Variants in KCNIP3 observed in about 807,000 individuals in gnomAD.
KCNIP3 encodes the protein potassium voltage-gated channel interacting protein 3, also known as calsenilin.
KCNIP3 carries 28 observed loss-of-function variants against 35.0 expected under a neutral mutation model. The observed-to-expected ratio is 0.80, with a 90% CI of 0.59 to 1.10. The LOEUF (loss-of-function observed/expected upper bound fraction) is 1.10. Ranked by LOEUF, KCNIP3 falls within the 50% of genes least tolerant of loss-of-function variation. KCNIP3 has a pLI of 0.00. For missense variants in KCNIP3, 295 were observed against 338.4 expected (o/e 0.87, Z 1.01); for synonymous variants, 134 against 133.8 (o/e 1.00, Z -0.01).
intron 2 of KCNIP3, among the ~76,000 whole-genome samples, chr2:95,358,805 G>A (rs533028603): frequency 1.3e-5 from 2 of 152,218 alleles, no homozygotes; most frequent in Admixed American, 6.5e-5. Flanking sequence ...TCATTCATGA[G>A]GGCAGAGCCC....
intron 2 of KCNIP3, among the ~76,000 whole-genome samples, chr2:95,365,746 C>G (rs1273986923): frequency 2.0e-5 from 3 of 152,280 alleles, no homozygotes; most frequent in East Asian, 1.9e-4. Flanking sequence ...CTCTGTAGTT[C>G]ATGGGATATC....
chr2:95,339,489 C>T (rs564827583), intron 2 of KCNIP3, among the ~76,000 whole-genome samples: 3 of 151,718 alleles, frequency 2.0e-5, no homozygotes, highest in East Asian at 1.9e-4. Flanking sequence ...GAGGCTGAGG[C>T]GGGAGAATCA....
chr2:95,326,074 C>T (rs1302963811), intron 2 of KCNIP3, among the ~76,000 whole-genome samples: 1 of 139,064 alleles, frequency 7.2e-6, no homozygotes, highest in African/African-American at 2.8e-5. Flanking sequence ...TTCACTCATA[C>T]TAACACACTC....
intron 5 of KCNIP3, 91 bp downstream of exon 5, chr2:95,375,299 G>A (rs1263647550): frequency 1.4e-5 from 17 of 1,198,178 alleles, no homozygotes; most frequent in Non-Finnish European, 2.1e-5. Context: ...GCTGTCGAGA[G>A]AGCCATGGTC....
chr2:95,305,762 G>C (rs1005862822), intron 1 of KCNIP3, among the ~76,000 whole-genome samples: 18 of 152,122 alleles, frequency 1.2e-4, no homozygotes, highest in Non-Finnish European at 2.5e-4. Flanking sequence ...GTGACCTTTT[G>C]GGTTGGCTTT....
At chr2:95,300,958 C>A (rs1257503069) in intron 1 of KCNIP3, among the ~76,000 whole-genome samples, 1 of 152,178 alleles carries the variant, frequency 6.6e-6, no homozygotes, top group African/African-American at 2.4e-5. Flanking sequence ...GCCTGCCCAA[C>A]GCCCCCAGCC....
At position 95,297,350 on chromosome 2, in the gene KCNIP3, C is replaced by T. The variant is rs547744585; in HGVS notation, c.-89C>T. Reference sequence around the variant, plus strand: ...ACAATTACGTCTGGGTCCAAGCAAACATGAGGCAGCTGCCAGCCGGCCTGG... The same window carrying T: ...ACAATTACGTCTGGGTCCAAGCAAATATGAGGCAGCTGCCAGCCGGCCTGG... On this transcript the variant is annotated 5_prime_UTR_variant, in exon 1 of 9. Transcript: ENST00000295225. 6 of 1,357,062 alleles carry T rather than the reference C, an allele frequency of 4.4e-6. No homozygotes were observed. Among genetic ancestry groups the T allele is most frequent in the South Asian group, 1.3e-5 (1 of 79,740 alleles). The allele number at this position is 1,357,062 out of a possible 1,614,324, so 84.1% of individuals were successfully genotyped here.
Position 95,304,692 on chromosome 2 carries a change from G to T in KCNIP3, c.16-5663G>T, listed in dbSNP as rs542196695. On this transcript the variant is annotated intron_variant, in intron 1 of 8. Coordinates refer to ENST00000295225, the MANE Select transcript of KCNIP3 (RefSeq NM_013434.5). ...GTTGGGTGCTTTGGGTAATTTTGAGGTTCTAAGGAACCTCAAAAAGTTGGT... is the reference window on the plus strand; with the variant it reads ...GTTGGGTGCTTTGGGTAATTTTGAGTTTCTAAGGAACCTCAAAAAGTTGGT... 3.7e-4 allele frequency among the ~76,000 whole-genome samples: 56 copies of T among 152,256 alleles called. No homozygotes were observed. In the South Asian group the frequency reaches 0.011, roughly 31 times the overall value.
At chr2:95,342,594 G>T (rs142241507) in intron 2 of KCNIP3, among the ~76,000 whole-genome samples, 69 of 152,334 alleles carry the variant, frequency 4.5e-4, no homozygotes, top group African/African-American at 1.5e-3. Flanking sequence ...GGCACGCAGC[G>T]TTGCCAGCTG....
At chr2:95,343,560 C>A (rs973609959) in intron 2 of KCNIP3, among the ~76,000 whole-genome samples, 1 of 152,128 alleles carries the variant, frequency 6.6e-6, no homozygotes, top group Non-Finnish European at 1.5e-5. Context: ...GTCAGGAGAC[C>A]TCATGAAATC....
intron 2 of KCNIP3, among the ~76,000 whole-genome samples, chr2:95,359,359 C>T (rs1391762958): frequency 1.3e-5 from 2 of 151,936 alleles, no homozygotes; most frequent in South Asian, 2.1e-4. Flanking sequence ...GAGAAACCGG[C>T]AAGAAAAAAG....
intron 2 of KCNIP3, among the ~76,000 whole-genome samples, chr2:95,345,272 C>A (rs1679318392): frequency 6.6e-6 from 1 of 152,234 alleles, no homozygotes; most frequent in Admixed American, 6.5e-5. Context: ...TCCCTGTGCC[C>A]CTCACGTAAT....
In KCNIP3 at chr2:95,315,067, G is replaced by A. The variant is rs551965873; in HGVS notation, c.181+4547G>A. On this transcript the variant is annotated intron_variant, in intron 2 of 8. Transcript: ENST00000295225. ...GTGAGCCCTGGTCTTTGGTCACACC[G>A]CTCTATTCCGTGGTGAAATGAGTCT... Among the ~76,000 whole-genome samples, 15 of 152,290 alleles carry A rather than the reference G, an allele frequency of 9.8e-5. No homozygotes were observed. The East Asian group carries it at 2.7e-3, about 27-fold the overall frequency.
At chr2:95,321,634 C>G (rs751611319) in intron 2 of KCNIP3, among the ~76,000 whole-genome samples, 2 of 152,172 alleles carry the variant, frequency 1.3e-5, no homozygotes, top group Non-Finnish European at 2.9e-5. Context: ...GACTAACGAA[C>G]GACAGAGCTG....
chr2:95,322,744 G>A (rs962827590), intron 2 of KCNIP3, among the ~76,000 whole-genome samples: 4 of 152,168 alleles, frequency 2.6e-5, no homozygotes, highest in Admixed American at 6.5e-5. Flanking sequence ...CGCTTATCCC[G>A]GCACAGGGGC....
intron 2 of KCNIP3, among the ~76,000 whole-genome samples, chr2:95,343,997 G>GT (rs1553445225): frequency 6.6e-6 from 1 of 152,140 alleles, no homozygotes; most frequent in East Asian, 1.9e-4. Context: ...AGGGCTCAGG[G>GT]CCCAGCCTTC....
chr2:95,348,677 A>G (rs1176401095), intron 2 of KCNIP3, among the ~76,000 whole-genome samples: 1 of 152,206 alleles, frequency 6.6e-6, no homozygotes, highest in East Asian at 1.9e-4. Context: ...ACAAGATGAC[A>G]GATGGTTTAT....
At chr2:95,348,234 G>A (rs1169047736) in intron 2 of KCNIP3, among the ~76,000 whole-genome samples, 2 of 152,250 alleles carry the variant, frequency 1.3e-5, no homozygotes, top group Non-Finnish European at 2.9e-5. Flanking sequence ...AGATGGGGGA[G>A]AAAGTGGCCC....
Position 95,378,682 on chromosome 2 carries a change from G to T in KCNIP3, c.448-2914G>T, listed in dbSNP as rs1680262704. Among the ~76,000 whole-genome samples the T allele has an allele frequency of 1.3e-5, 2 of 151,388 alleles. No individual in the cohort carries two copies. Among genetic ancestry groups the T allele is most frequent in the African/African-American group, 2.4e-5 (1 of 41,156 alleles). On this transcript the variant is annotated intron_variant, in intron 5 of 8. Coordinates refer to ENST00000295225, the MANE Select transcript of KCNIP3 (RefSeq NM_013434.5). This position sits in a 1 kb window ranked among gnomAD's most constrained non-coding sequence, Gnocchi z 4.0. The stretch of plus-strand genomic sequence containing the variant: ...AATCACTTTGAGCCCAGGAGTCAGA[G>T]GTTGCAGTGAGCTGAGATTGCACCA...
Sources: gnomAD v4.1 joint callset for allele counts (sites outside exome capture counted in the v4.1 genomes callset) on GRCh38, gnomAD v4.1.1 for gene constraint, Gnocchi (gnomAD v3.1) non-coding constraint, MANE v1.5 for transcripts, NCBI Gene and HGNC (gene_info 2026-07-23, HGNC 2026-07-21) for gene names.